The following GSAP variants were observed in gnomAD, a reference collection of about 807,000 sequenced individuals.
GSAP encodes the protein gamma-secretase-activating protein.
GSAP carries 118 observed loss-of-function variants against 131.7 expected under a neutral mutation model. The ratio of observed to expected loss-of-function variants is 0.90; its 90% CI spans 0.77 to 1.04. The LOEUF is 1.04. Among genes scored for constraint, GSAP ranks in the 50% least tolerant of loss-of-function variants. GSAP has a pLI of 0.00. For synonymous variants in GSAP, 381 were observed against 363.4 expected, an observed-to-expected ratio of 1.05 and a Z score of -0.55; for missense variants, 1,019 against 1,013.2, an observed-to-expected ratio of 1.01 and a Z score of -0.08.
chr7:77,395,216 TAAAG>T (rs1800166380), intron 5 of GSAP, among the ~76,000 whole-genome samples: 1 of 152,030 alleles, frequency 6.6e-6, no homozygotes, highest in Non-Finnish European at 1.5e-5. Flanking sequence ...CCCAACACAA[TAAAG>T]AATTTTTAAG....
At chr7:77,343,541 G>A (rs1440902412) in intron 19 of GSAP, among the ~76,000 whole-genome samples, 1 of 152,182 alleles carries the variant, frequency 6.6e-6, no homozygotes, top group Non-Finnish European at 1.5e-5. Flanking sequence ...GGAAGCTGGA[G>A]TCATTCACTG....
chr7:77,387,215 G>A (rs1257880840), intron 6 of GSAP, 145 bp downstream of exon 6: 1 of 459,916 alleles, frequency 2.2e-6, no homozygotes, highest in Non-Finnish European at 3.9e-6. Flanking sequence ...TGCAAACAAA[G>A]AGCGGATACT....
rs375595494 is a variant in GSAP, at chr7:77,402,616, A to AAAT, written c.243+1942_243+1943insATT. ...CTCAAAAAAAAAAAAAAAAAAAAAA[A>AAAT]GAATTTTAAAGCCCATCTAGATTTG... On this transcript the variant is annotated intron_variant, in intron 3 of 30. Transcript: ENST00000257626. Among the ~76,000 whole-genome samples the AAAT allele has an allele frequency of 5.5e-3, 441 of 80,224 alleles. 31 individuals are homozygous for AAAT. Among genetic ancestry groups the AAAT allele is most frequent in the East Asian group, 0.043 (113 of 2,640 alleles). The allele number at this position is 80,224 out of a possible 152,430, so 52.6% of individuals were successfully genotyped here. A position where few individuals can be genotyped will look rare whatever the true frequency, so the allele number is the denominator to read the frequency against.
Position 77,311,830 on chromosome 7 carries a change from G to C in GSAP, c.2473+11C>G. On this transcript the variant is annotated intron_variant, in intron 30 of 30. Transcript: ENST00000257626. ...AAGTGGTAAGACCCTGAGAACAGGG[G>C]AGTAAATTACCTTGATTGGAGGACT... The C allele has an allele frequency of 8.0e-7, 1 of 1,251,620 alleles. No individual in the cohort carries two copies. Among genetic ancestry groups the C allele is most frequent in the South Asian group, 1.2e-5 (1 of 83,860 alleles). The allele number at this position is 1,251,620 out of a possible 1,614,324, so 77.5% of individuals were successfully genotyped here. A position where few individuals can be genotyped will look rare whatever the true frequency, so the allele number is the denominator to read the frequency against.
intron 19 of GSAP, among the ~76,000 whole-genome samples, chr7:77,346,363 G>A (rs1323053661): frequency 6.6e-6 from 1 of 151,140 alleles, no homozygotes; most frequent in Non-Finnish European, 1.5e-5. Flanking sequence ...GGGGGCTAGG[G>A]ACAAACTAAA....
At chr7:77,328,536 T>A in intron 22 of GSAP, 70 bp downstream of exon 22, 1 of 1,571,166 alleles carries the variant, frequency 6.4e-7, no homozygotes, top group Non-Finnish European at 8.6e-7. Context: ...CCCACAGTGG[T>A]AGGAAGAACA....
At chr7:77,367,721 G>C (rs1795524814) in intron 12 of GSAP, among the ~76,000 whole-genome samples, 1 of 152,194 alleles carries the variant, frequency 6.6e-6, no homozygotes, top group Non-Finnish European at 1.5e-5. Context: ...CTCATAGAAT[G>C]AACTGGGGAA....
chr7:77,406,868 AAC>A (rs1181668916), intron 1 of GSAP, among the ~76,000 whole-genome samples: 1 of 152,186 alleles, frequency 6.6e-6, no homozygotes, highest in Non-Finnish European at 1.5e-5. Flanking sequence ...GTAGAGAAAA[AAC>A]AGTCTTCGAA....
At chr7:77,351,101 A>G (rs1792804110) in intron 18 of GSAP, 1 of 970,330 alleles carries the variant, frequency 1.0e-6, no homozygotes, top group Non-Finnish European at 1.2e-6. Flanking sequence ...CCTGTAAAAA[A>G]GGGTATCATG....
chr7:77,386,710 T>G (rs1166462973), intron 6 of GSAP, among the ~76,000 whole-genome samples: 1 of 152,072 alleles, frequency 6.6e-6, no homozygotes, highest in Admixed American at 6.5e-5. Context: ...AGCACAAAAA[T>G]TGAAAGATGG....
chr7:77,397,229 T>G (rs956322808), intron 4 of GSAP, 117 bp downstream of exon 4: 6 of 758,426 alleles, frequency 7.9e-6, no homozygotes, highest in South Asian at 1.8e-5. Context: ...TCAAGAACAT[T>G]TCTTTCCTAG....
intron 12 of GSAP, among the ~76,000 whole-genome samples, chr7:77,369,776 C>G (rs1012076659): frequency 1.3e-4 from 19 of 150,586 alleles, no homozygotes; most frequent in African/African-American, 4.7e-4. Flanking sequence ...TGTTTAACAA[C>G]AAAGGTAAAA....
chr7:77,412,077 G>A (rs963115560), intron 1 of GSAP, among the ~76,000 whole-genome samples: 13 of 152,202 alleles, frequency 8.5e-5, no homozygotes, highest in Non-Finnish European at 1.3e-4. Flanking sequence ...TACTTGGGAG[G>A]CTGAGGCAGG....
At chr7:77,325,721 C>A (rs1008494195) in intron 23 of GSAP, among the ~76,000 whole-genome samples, 1 of 152,166 alleles carries the variant, frequency 6.6e-6, no homozygotes, top group African/African-American at 2.4e-5. Flanking sequence ...CAGGTGTGCA[C>A]CATCATGCCC....
intron 6 of GSAP, among the ~76,000 whole-genome samples, chr7:77,386,881 T>C (rs1439132428): frequency 6.6e-6 from 1 of 152,228 alleles, no homozygotes; most frequent in Non-Finnish European, 1.5e-5. Flanking sequence ...ACTATAAGTG[T>C]TTAATTTAGG....
intron 1 of GSAP, among the ~76,000 whole-genome samples, chr7:77,414,916 G>A (rs900883547): frequency 1.5e-5 from 2 of 135,128 alleles, no homozygotes; most frequent in African/African-American, 5.6e-5. Flanking sequence ...GGAGTGCAGT[G>A]GCGAGATCTC....
Position 77,387,747 on chromosome 7 carries a change from C to T in GSAP, c.368-299G>A, listed in dbSNP as rs138266037. On this transcript the variant is annotated intron_variant, in intron 5 of 30. Transcript: ENST00000257626. Reference sequence around the variant, plus strand: ...AAGCTGCATTTTATTATGAAAACCACAGGATACTCAAGAAATGCAAATGTG... The same window carrying T: ...AAGCTGCATTTTATTATGAAAACCATAGGATACTCAAGAAATGCAAATGTG... Among the ~76,000 whole-genome samples the T allele has an allele frequency of 1.0e-3, 156 of 152,266 alleles. 1 individual carries two copies. The East Asian group carries it at 0.025, about 24-fold the overall frequency.
chr7:77,355,786 C>CT, intron 14 of GSAP, 139 bp from the exon 15 acceptor site: 4 of 305,308 alleles, frequency 1.3e-5, no homozygotes, highest in Non-Finnish European at 2.2e-5. Context: ...AATGACAGCC[C>CT]GTTTTTTTTT....
intron 19 of GSAP, among the ~76,000 whole-genome samples, chr7:77,335,679 C>T (rs1218775963): frequency 6.6e-6 from 1 of 152,108 alleles, no homozygotes; most frequent in Non-Finnish European, 1.5e-5. Flanking sequence ...CTGCAAATTA[C>T]TGCCAGAAAA....
Sources: allele counts gnomAD v4.1 joint callset (sites outside exome capture counted in the v4.1 genomes callset), GRCh38; gene constraint gnomAD v4.1.1; transcripts MANE v1.5; gene names NCBI Gene and HGNC (gene_info 2026-07-23, HGNC 2026-07-21).